The following PTPRJ variants were observed in gnomAD, a reference collection of about 807,000 sequenced individuals.
PTPRJ encodes receptor-type tyrosine-protein phosphatase eta.
In PTPRJ, 129 loss-of-function variants were observed where a neutral mutation model predicts 141.3. The ratio of observed to expected loss-of-function variants is 0.91; its 90% confidence interval spans 0.79 to 1.06. The LOEUF is 1.06. Ranked by LOEUF, PTPRJ falls within the 50% of genes least tolerant of loss-of-function variation. PTPRJ has a pLI of 0.00. For synonymous variants in PTPRJ, 610 were observed against 640.5 expected (o/e 0.95, Z 0.72); for missense variants, 1,601 against 1,679.7 (o/e 0.95, Z 0.82).
chr11:48,140,658 G>C (rs1183320038), intron 11 of PTPRJ, among the ~76,000 whole-genome samples: 1 of 152,144 alleles, frequency 6.6e-6, no homozygotes, highest in Non-Finnish European at 1.5e-5. Flanking sequence ...TTGTAGTTTA[G>C]AGCAGGACCA....
intron 10 of PTPRJ, 146 bp downstream of exon 10, chr11:48,137,427 C>T (rs576677128): frequency 3.4e-5 from 28 of 822,592 alleles, no homozygotes; most frequent in African/African-American, 2.0e-4. Context: ...GTTAGCTTAT[C>T]GGTGCTGTCT....
At chr11:48,089,390 C>G (rs892204286) in intron 1 of PTPRJ, among the ~76,000 whole-genome samples, 1 of 151,956 alleles carries the variant, frequency 6.6e-6, no homozygotes, top group African/African-American at 2.4e-5. Context: ...ATGGTGCAGG[C>G]CTGTGATTCC....
In PTPRJ at chr11:48,168,823, A is replaced by T. The variant is rs1404403085; in HGVS notation, c.*1461A>T. On this transcript the variant is annotated 3_prime_UTR_variant, in exon 25 of 25. Coordinates refer to ENST00000418331, the MANE Select transcript of PTPRJ (RefSeq NM_002843.4). The stretch of plus-strand genomic sequence containing the variant: ...TCTGTAAACTTCTTAAGGCATTAAC[A>T]TGAAAAGATTTTTTCTTTTTATTTT... 2 of 151,232 alleles carry T rather than the reference A, an allele frequency of 1.3e-5. No individual in the cohort carries two copies. The highest frequency in any genetic ancestry group is 1.3e-4 in the Admixed American group (2 of 15,154). 9.4% of individuals were successfully genotyped at this position (151,232 alleles called of 1,614,324 possible).
At chr11:48,125,923 C>T (rs555435751) in intron 6 of PTPRJ, among the ~76,000 whole-genome samples, 4 of 151,978 alleles carry the variant, frequency 2.6e-5, no homozygotes, top group African/African-American at 7.3e-5. Flanking sequence ...AGGATGCGGC[C>T]GTAGGACAGG....
At chr11:48,032,387 A>G (rs1302466760) in intron 1 of PTPRJ, among the ~76,000 whole-genome samples, 1 of 152,234 alleles carries the variant, frequency 6.6e-6, no homozygotes, top group African/African-American at 2.4e-5. Context: ...ATACTTCTTA[A>G]GAACTTTCAA....
At chr11:48,093,798 A>AG (rs1855933492) in intron 1 of PTPRJ, among the ~76,000 whole-genome samples, 1 of 151,802 alleles carries the variant, frequency 6.6e-6, no homozygotes, top group Admixed American at 6.6e-5. Context: ...TGCCCTAAAA[A>AG]AAAAAAAAAG....
intron 1 of PTPRJ, among the ~76,000 whole-genome samples, chr11:47,992,259 C>T (rs1033328178): frequency 3.3e-5 from 5 of 152,024 alleles, no homozygotes; most frequent in Admixed American, 3.3e-4. Flanking sequence ...CTGTAACCTC[C>T]GCCTTCTGGG....
chr11:48,057,399 G>C (rs1417732341), intron 1 of PTPRJ, among the ~76,000 whole-genome samples: 4 of 152,192 alleles, frequency 2.6e-5, no homozygotes, highest in African/African-American at 9.7e-5. Flanking sequence ...GTGTAAAGAA[G>C]GTGGAGATGA....
chr11:48,079,673 C>T (rs1855509627), intron 1 of PTPRJ, among the ~76,000 whole-genome samples: 1 of 152,092 alleles, frequency 6.6e-6, no homozygotes, highest in Admixed American at 6.5e-5. Flanking sequence ...GCCTTCTACC[C>T]AGCTGCAGCT....
intron 10 of PTPRJ, 123 bp downstream of exon 10, chr11:48,137,404 T>C (rs1857130278): frequency 2.1e-5 from 22 of 1,032,476 alleles, no homozygotes; most frequent in Non-Finnish European, 3.1e-5. Flanking sequence ...CATTGAGCTT[T>C]CCGAGGCATC....
At chr11:48,051,515 C>T (rs1854569824) in intron 1 of PTPRJ, among the ~76,000 whole-genome samples, 1 of 152,184 alleles carries the variant, frequency 6.6e-6, no homozygotes, top group Admixed American at 6.5e-5. Context: ...AAAACCTACT[C>T]CTGGTGTTCA....
chr11:48,000,920 A>C (rs1213532426), intron 1 of PTPRJ, among the ~76,000 whole-genome samples: 1 of 151,340 alleles, frequency 6.6e-6, no homozygotes, highest in African/African-American at 2.4e-5. Flanking sequence ...AACCACCCTG[A>C]CATGGAGCTG....
intron 1 of PTPRJ, among the ~76,000 whole-genome samples, chr11:48,031,320 G>A (rs2134224910): frequency 6.6e-6 from 1 of 151,942 alleles, no homozygotes; most frequent in South Asian, 2.1e-4. Flanking sequence ...GGTCAGTTCT[G>A]GTCTGTCCTC....
At chr11:48,020,894 G>A (rs1324718113) in intron 1 of PTPRJ, among the ~76,000 whole-genome samples, 1 of 152,192 alleles carries the variant, frequency 6.6e-6, no homozygotes, top group East Asian at 1.9e-4. Context: ...TTATTTTGAG[G>A]GGCATGTGTC....
intron 1 of PTPRJ, among the ~76,000 whole-genome samples, chr11:48,036,022 C>T (rs1406214830): frequency 6.6e-6 from 1 of 152,196 alleles, no homozygotes; most frequent in African/African-American, 2.4e-5. Flanking sequence ...ACATGGTCTA[C>T]TTAATAGTGC....
At position 48,030,691 on chromosome 11, in the gene PTPRJ, C is replaced by T. The variant is rs532513823; in HGVS notation, c.96+49683C>T. ...CTGGGAGGTGGAGGTTGCAGTGAGCCGAGATTGTGCCACTGCACTGCAGCC... is the reference window on the plus strand; with the variant it reads ...CTGGGAGGTGGAGGTTGCAGTGAGCTGAGATTGTGCCACTGCACTGCAGCC... On this transcript the variant is annotated intron_variant, in intron 1 of 24. Transcript: ENST00000418331. Among the ~76,000 whole-genome samples, 31 of 152,074 alleles carry T rather than the reference C, an allele frequency of 2.0e-4. No homozygotes were observed. In the South Asian group the frequency reaches 6.2e-3, roughly 31 times the overall value.
chr11:48,095,355 A>C (rs1855975945), intron 1 of PTPRJ, among the ~76,000 whole-genome samples: 1 of 152,210 alleles, frequency 6.6e-6, no homozygotes, highest in Admixed American at 6.5e-5. Flanking sequence ...GGAAGAGAGC[A>C]ACTCTTTCTG....
intron 1 of PTPRJ, among the ~76,000 whole-genome samples, chr11:48,034,896 G>A (rs1204942498): frequency 1.3e-5 from 2 of 152,218 alleles, no homozygotes; most frequent in Non-Finnish European, 2.9e-5. Context: ...TCAGATGCAC[G>A]AATGAGAATC....
At position 48,123,741 on chromosome 11, in the gene PTPRJ, T is replaced by C; in HGVS notation, c.745T>C (p.Leu249=). ...TGAAAGCATTGGAAGCCATGAGGAG[T>C]TGACTCAAGACTCAAGACTTCAGGT... The part of the protein sequence containing the change: ...LLESIGSHEE[L]TQDSRLQVNI... Residue 249 remains leucine (L), a synonymous_variant, in exon 5 of 25, where the codon TTG becomes CTG. Coordinates refer to ENST00000418331, the MANE Select transcript of PTPRJ (RefSeq NM_002843.4). The C allele has an allele frequency of 6.2e-7, 1 of 1,613,602 alleles. No homozygotes were observed. Among genetic ancestry groups the C allele is most frequent in the Non-Finnish European group, 8.5e-7 (1 of 1,179,904 alleles).
Sources: allele counts gnomAD v4.1 joint callset (sites outside exome capture counted in the v4.1 genomes callset), GRCh38; gene constraint gnomAD v4.1.1; transcripts MANE v1.5; gene names NCBI Gene and HGNC (gene_info 2026-07-23, HGNC 2026-07-21).